Variants in PI4KA observed in about 807,000 individuals in gnomAD.
The protein encoded by PI4KA is phosphatidylinositol 4-kinase alpha, also known as PI4-kinase alpha.
PI4KA carries 122 observed loss-of-function variants against 271.4 expected under a neutral mutation model. The observed-to-expected ratio is 0.45, with a 90% CI of 0.39 to 0.52. The LOEUF (loss-of-function observed/expected upper bound fraction) is 0.52. PI4KA is among the 20% of genes least tolerant of loss of function. The pLI is 0.00. For missense variants in PI4KA, 1,969 were observed against 2,769.1 expected (o/e 0.71, Z 6.48); for synonymous variants, 1,041 against 1,078.8 (o/e 0.96, Z 0.69).
chr22:20,838,648 T>C lies in PI4KA; in HGVS notation c.240A>G (p.Ala80=), dbSNP rs750732948. 6.8e-6 allele frequency: 11 copies of C among 1,610,664 alleles called. No homozygotes were observed. Among genetic ancestry groups the C allele is most frequent in the South Asian group, 2.2e-5 (2 of 91,020 alleles). The change falls in exon 2 of 55, where the codon GCA becomes GCG. Residue 80 remains alanine (A), a synonymous_variant. Transcript: ENST00000255882. ...CAGATTCAATCAGAAAAATGCCCAA[T>C]GCAATCACTGCATCTCTCCGTCTTT... ...LDERRRDAVI[A]LGIFLIESDL...
At position 20,751,454 on chromosome 22, in the gene PI4KA, C is replaced by T. The variant is rs1930679429; in HGVS notation, c.3070-78G>A. ...TAGCAACCACATGGGCCACCCCTAC[C>T]CACCACCTGTCTGTCTGTGACAGGC... On this transcript the variant is annotated intron_variant, in intron 26 of 54. Coordinates refer to ENST00000255882, the MANE Select transcript of PI4KA (RefSeq NM_058004.4). 2.4e-6 allele frequency: 3 copies of T among 1,247,992 alleles called. No homozygotes were observed. In the Admixed American group the frequency reaches 5.5e-5, roughly 23 times the overall value. 77.3% of individuals were successfully genotyped at this position (1,247,992 alleles called of 1,614,324 possible).
chr22:20,807,585 T>C, intron 9 of PI4KA, 127 bp from the exon 10 acceptor site: 1 of 625,646 alleles, frequency 1.6e-6, no homozygotes, highest in Non-Finnish European at 2.9e-6. Context: ...CAACTGTTTA[T>C]CATGACTCAT....
chr22:20,761,757 TCTATGTGAG>T (rs567721445), intron 22 of PI4KA, among the ~76,000 whole-genome samples: 8 of 151,858 alleles, frequency 5.3e-5, no homozygotes, highest in African/African-American at 1.9e-4. Flanking sequence ...GAGGCAGCTC[TCTATGTGAG>T]CTGTTACAAA....
intron 8 of PI4KA, among the ~76,000 whole-genome samples, chr22:20,811,773 G>A (rs946908569): frequency 7.9e-5 from 12 of 152,030 alleles, no homozygotes; most frequent in African/African-American, 2.9e-4. Context: ...CAGCACTTTA[G>A]GAGGCCGAGG....
chr22:20,716,056 G>GT lies in PI4KA; in HGVS notation c.5318-1357dup, dbSNP rs112549796. On this transcript the variant is annotated intron_variant, in intron 45 of 54. Coordinates refer to ENST00000255882, the MANE Select transcript of PI4KA (RefSeq NM_058004.4). ...AGGCACGCGCCACCATGCCTGGTTA[G>GT]TTTTTTTTTTTTGAGACCAAGTCTT... Among the ~76,000 whole-genome samples the GT allele has an allele frequency of 5.7e-3, 824 of 145,266 alleles. 2 individuals are homozygous for GT. The highest frequency in any genetic ancestry group is 0.015 in the African/African-American group (617 of 39,900).
rs1401074391 is a variant in PI4KA at position 20,813,686 on chromosome 22, C to T, written c.857-180G>A. 2.0e-5 allele frequency among the ~76,000 whole-genome samples: 3 copies of T among 152,250 alleles called. 1 individual carries two copies. The East Asian group carries it at 5.8e-4, about 29-fold the overall frequency. On this transcript the variant is annotated intron_variant, in intron 7 of 54. Coordinates refer to ENST00000255882, the MANE Select transcript of PI4KA (RefSeq NM_058004.4). Reference sequence around the variant, plus strand: ...ATTGCAAATCCTTGGGGACTGATGCCCCTCACCTGTGTCTTTCAGGTCAAA... The same window carrying T: ...ATTGCAAATCCTTGGGGACTGATGCTCCTCACCTGTGTCTTTCAGGTCAAA...
At chr22:20,753,524 T>C (rs1189919756) in intron 23 of PI4KA, among the ~76,000 whole-genome samples, 1 of 152,214 alleles carries the variant, frequency 6.6e-6, no homozygotes, top group African/African-American at 2.4e-5. Flanking sequence ...CAATATGTGG[T>C]GACTCCTCAG....
chr22:20,742,609 T>A lies in PI4KA; in HGVS notation c.3612A>T (p.Lys1204Asn). ...TTCCACAGTGCTTCAGTGAGTTACC[T>A]TTACTGCTAATGAGCATTGCGGTCA... ...FKLTAMLISS[K>N]DCDPQLLHHL... The change falls in exon 31 of 55, where the codon AAA becomes AAT. Residue 1204 changes from lysine to asparagine, a missense_variant and splice_region_variant. Lys to Asn is a moderately conservative substitution (Grantham distance 94). Transcript: ENST00000255882. 2 of 1,614,128 alleles carry A rather than the reference T, an allele frequency of 1.2e-6. No individual in the cohort carries two copies. The highest frequency in any genetic ancestry group is 4.5e-5 in the East Asian group (2 of 44,880).
chr22:20,746,607 C>T (rs1930143469), intron 29 of PI4KA, among the ~76,000 whole-genome samples: 2 of 152,210 alleles, frequency 1.3e-5, no homozygotes, highest in Non-Finnish European at 2.9e-5. Context: ...TCTATGAGTT[C>T]CGCCTCTGGC....
intron 1 of PI4KA, among the ~76,000 whole-genome samples, chr22:20,856,198 GC>G (rs1399677434): frequency 3.3e-5 from 5 of 152,094 alleles, no homozygotes; most frequent in Non-Finnish European, 7.4e-5. Flanking sequence ...TGTAGTCCCA[GC>G]TACTCAGGAG....
chr22:20,751,282 G>A lies in PI4KA; in HGVS notation c.3153+11C>T. 6.2e-7 allele frequency: 1 copy of A among 1,609,452 alleles called. No homozygotes were observed. Among genetic ancestry groups the A allele is most frequent in the Non-Finnish European group, 8.5e-7 (1 of 1,175,912 alleles). Reference sequence around the variant, plus strand: ...GATGGCCCTTAGTGCAGGGGATCGTGTCGGGCCTACCTCACGGGCTTCGTA... The same window carrying A: ...GATGGCCCTTAGTGCAGGGGATCGTATCGGGCCTACCTCACGGGCTTCGTA... On this transcript the variant is annotated intron_variant, in intron 27 of 54. Transcript: ENST00000255882.
chr22:20,851,668 A>G, intron 1 of PI4KA, among the ~76,000 whole-genome samples: 1 of 152,154 alleles, frequency 6.6e-6, no homozygotes, highest in East Asian at 1.9e-4. Context: ...AGGCTTCCAG[A>G]TAAGCTTTAA....
At chr22:20,801,032 A>G (rs1285784057) in intron 14 of PI4KA, among the ~76,000 whole-genome samples, 3 of 149,052 alleles carry the variant, frequency 2.0e-5, no homozygotes, top group Non-Finnish European at 4.5e-5. Flanking sequence ...CTGGGATTAC[A>G]GGCACGTGCC....
At chr22:20,848,040 C>A (rs1488101233) in intron 1 of PI4KA, among the ~76,000 whole-genome samples, 1 of 152,018 alleles carries the variant, frequency 6.6e-6, no homozygotes, top group African/African-American at 2.4e-5. Flanking sequence ...GAGTTCGAGA[C>A]CAGCCTGGCC....
chr22:20,765,187 C>T lies in PI4KA; in HGVS notation c.2487G>A (p.Lys829=), dbSNP rs754984537. 6.2e-7 allele frequency: 1 copy of T among 1,613,824 alleles called. No homozygotes were observed. Among genetic ancestry groups the T allele is most frequent in the South Asian group, 1.1e-5 (1 of 91,050 alleles). Residue 829 remains lysine (K), a synonymous_variant, in exon 21 of 55, where the codon AAG becomes AAA. Coordinates refer to ENST00000255882, the MANE Select transcript of PI4KA (RefSeq NM_058004.4). The part of the protein sequence containing the change: ...WYEGVCEIAT[K]SPLLTFPSKE... The stretch of plus-strand genomic sequence containing the variant: ...TGCTGGGAAAGGTGAGCAAGGGGGA[C>T]TTAGTGGCTATTTCACAGACCCCCT...
chr22:20,716,749 T>G (rs1926048482), intron 45 of PI4KA, among the ~76,000 whole-genome samples: 1 of 152,202 alleles, frequency 6.6e-6, no homozygotes, highest in African/African-American at 2.4e-5. Context: ...CCAGCAGTTG[T>G]GGCCTTCCCG....
intron 1 of PI4KA, among the ~76,000 whole-genome samples, chr22:20,845,655 A>T (rs1315399293): frequency 6.6e-6 from 1 of 152,240 alleles, no homozygotes; most frequent in Non-Finnish European, 1.5e-5. Context: ...TACAAATGTA[A>T]ATGGAACAGC....
At chr22:20,781,524 T>C (rs1933798289) in intron 19 of PI4KA, among the ~76,000 whole-genome samples, 2 of 152,242 alleles carry the variant, frequency 1.3e-5, no homozygotes, top group South Asian at 4.1e-4. Context: ...GAGCCCCTCC[T>C]GATCTGTCCA....
chr22:20,766,771 G>A (rs1430737657), intron 19 of PI4KA, among the ~76,000 whole-genome samples: 1 of 152,294 alleles, frequency 6.6e-6, no homozygotes, highest in East Asian at 1.9e-4. Context: ...TGAGCCTGTG[G>A]TAAGCGGGGG....
Sources: gnomAD v4.1 joint callset for allele counts (sites outside exome capture counted in the v4.1 genomes callset) on GRCh38, gnomAD v4.1.1 for gene constraint, MANE v1.5 for transcripts, NCBI Gene and HGNC (gene_info 2026-07-23, HGNC 2026-07-21) for gene names.